JMJD1C: variants seen among roughly 807,000 people sequenced by gnomAD.
JMJD1C encodes jumonji domain containing 1C.
JMJD1C carries 31 observed loss-of-function variants against 245.3 expected under a neutral mutation model. That is an observed-to-expected ratio of 0.13 (90% CI 0.09 to 0.17). The LOEUF is 0.17. Ranked by LOEUF, JMJD1C falls within the 10% of genes least tolerant of loss-of-function variation. JMJD1C has a pLI of 1.00. For missense variants in JMJD1C, 2,691 were observed against 3,000.2 expected, an observed-to-expected ratio of 0.90 and a Z score of 2.41; for synonymous variants, 1,057 against 1,017.4, an observed-to-expected ratio of 1.04 and a Z score of -0.74.
At chr10:63,330,972 G>A (rs1468066030) in intron 2 of JMJD1C, among the ~76,000 whole-genome samples, 1 of 152,028 alleles carries the variant, frequency 6.6e-6, no homozygotes, top group African/African-American at 2.4e-5. Flanking sequence ...CTGCACAGTC[G>A]ATTACTCTAT....
chr10:63,386,805 T>A (rs1205796384), intron 1 of JMJD1C, among the ~76,000 whole-genome samples: 2 of 152,148 alleles, frequency 1.3e-5, no homozygotes, highest in Non-Finnish European at 2.9e-5. Flanking sequence ...ACCTGCCCAC[T>A]CATTCACCCC....
chr10:63,477,648 A>T (rs1953706356), intron 1 of JMJD1C, among the ~76,000 whole-genome samples: 1 of 152,102 alleles, frequency 6.6e-6, no homozygotes, highest in African/African-American at 2.4e-5. Context: ...CGTAAAATAT[A>T]AAGCTAAAAA....
At chr10:63,372,989 TC>T in intron 2 of JMJD1C, 1 of 250,508 alleles carries the variant, frequency 4.0e-6, no homozygotes, top group South Asian at 4.5e-5. Flanking sequence ...GAAGCCCCAC[TC>T]CCCACAGAAG....
chr10:63,219,613 T>C (rs1271545501), intron 4 of JMJD1C, among the ~76,000 whole-genome samples: 4 of 152,202 alleles, frequency 2.6e-5, no homozygotes. Context: ...AAGAATTCCA[T>C]AATATGCAGT....
intron 1 of JMJD1C, among the ~76,000 whole-genome samples, chr10:63,478,483 G>A (rs576099803): frequency 3.3e-5 from 5 of 152,272 alleles, no homozygotes; most frequent in East Asian, 3.9e-4. Context: ...GAAGCTCTGC[G>A]TTTGGCGAAT....
intron 22 of JMJD1C, among the ~76,000 whole-genome samples, chr10:63,179,602 T>C (rs1843231533): frequency 6.6e-6 from 1 of 151,588 alleles, no homozygotes; most frequent in Non-Finnish European, 1.5e-5. Context: ...GTAAAACCCG[T>C]CTTTACAAAA....
chr10:63,391,211 G>A (rs1181440046), intron 1 of JMJD1C, among the ~76,000 whole-genome samples: 1 of 152,072 alleles, frequency 6.6e-6, no homozygotes, highest in Non-Finnish European at 1.5e-5. Context: ...CAATAGCTGA[G>A]AAACATATCA....
intron 1 of JMJD1C, among the ~76,000 whole-genome samples, chr10:63,463,782 A>G (rs896000431): frequency 6.6e-5 from 10 of 152,182 alleles, no homozygotes; most frequent in Admixed American, 1.3e-4. Context: ...ACAAATATAT[A>G]TATCTGTGTA....
chr10:63,454,257 A>ATTTTTTTTT (rs112838462), intron 1 of JMJD1C, among the ~76,000 whole-genome samples: 1 of 146,066 alleles, frequency 6.8e-6, no homozygotes, highest in African/African-American at 2.5e-5. Context: ...GGAGAAATTG[A>ATTTTTTTTT]TTTTTTTTTT....
intron 2 of JMJD1C, among the ~76,000 whole-genome samples, chr10:63,270,002 CATGA>C (rs1187018934): frequency 3.3e-5 from 5 of 152,054 alleles, no homozygotes; most frequent in African/African-American, 1.2e-4. Context: ...AGAGGTATCT[CATGA>C]ATAATTTTAT....
intron 2 of JMJD1C, among the ~76,000 whole-genome samples, chr10:63,326,033 C>T (rs543287163): frequency 7.7e-4 from 117 of 152,032 alleles, no homozygotes; most frequent in Admixed American, 2.2e-3. Flanking sequence ...CATATGTGAG[C>T]ATAATATATT....
At chr10:63,453,633 C>T (rs1952211116) in intron 1 of JMJD1C, among the ~76,000 whole-genome samples, 2 of 152,130 alleles carry the variant, frequency 1.3e-5, no homozygotes, top group South Asian at 4.1e-4. Flanking sequence ...TTTACTGATC[C>T]TTTGCGTCTG....
At chr10:63,413,191 A>G (rs546552658) in intron 1 of JMJD1C, among the ~76,000 whole-genome samples, 5 of 152,186 alleles carry the variant, frequency 3.3e-5, no homozygotes, top group African/African-American at 4.8e-5. Flanking sequence ...AAGCGTATGT[A>G]TATGTGTGTT....
chr10:63,257,239 A>G (rs1388593414), intron 3 of JMJD1C, among the ~76,000 whole-genome samples: 1 of 151,852 alleles, frequency 6.6e-6, no homozygotes, highest in African/African-American at 2.4e-5. Flanking sequence ...AAAAAAAAAA[A>G]AAAAAGAAAG....
chr10:63,376,355 C>A (rs1218396140), intron 2 of JMJD1C, among the ~76,000 whole-genome samples: 1 of 152,060 alleles, frequency 6.6e-6, no homozygotes, highest in Non-Finnish European at 1.5e-5. Context: ...AGCTTCATGA[C>A]ATGGATTTGG....
intron 1 of JMJD1C, among the ~76,000 whole-genome samples, chr10:63,387,630 T>TTC: frequency 4.3e-4 from 1 of 2,312 alleles, no homozygotes. Flanking sequence ...AAAAAAAAAA[T>TTC]TTTTTTTTTT....
At chr10:63,380,902 G>A (rs1947162437) in intron 1 of JMJD1C, among the ~76,000 whole-genome samples, 1 of 152,162 alleles carries the variant, frequency 6.6e-6, no homozygotes, top group African/African-American at 2.4e-5. Context: ...ATAGGATCTG[G>A]TAATCCCACT....
At chr10:63,521,778 G>A in exon 1 of JMJD1C, 1 of 339,730 alleles carries the variant, frequency 2.9e-6, no homozygotes, top group Non-Finnish European at 5.3e-6. Flanking sequence ...GACGGCCGAG[G>A]GCCTAGCTGC....
In JMJD1C at chr10:63,223,023, T is replaced by C. The variant is rs1295877454; in HGVS notation, c.448-3040A>G. The C allele has an allele frequency of 8.3e-6, 11 of 1,320,618 alleles. No homozygotes were observed. The Admixed American group carries it at 1.4e-4, about 17-fold the overall frequency. The allele number at this position is 1,320,618 out of a possible 1,614,324, so 81.8% of individuals were successfully genotyped here. A position where few individuals can be genotyped will look rare whatever the true frequency, so the allele number is the denominator to read the frequency against. ...GCCAATACACTATATAACAATACTA[T>C]TAAAGTATTTTTTCCTGGAATATAA... On this transcript the variant is annotated intron_variant, in intron 3 of 25. Transcript: ENST00000399262.
Sources: allele counts gnomAD v4.1 joint callset (sites outside exome capture counted in the v4.1 genomes callset), GRCh38; gene constraint gnomAD v4.1.1; transcripts MANE v1.5; gene names NCBI Gene and HGNC (gene_info 2026-07-23, HGNC 2026-07-21).